The following COPG2 variants were observed in gnomAD, a reference collection of about 807,000 sequenced individuals.
The protein encoded by COPG2 is coat protein complex I subunit gamma 2.
COPG2 carries 37 observed loss-of-function variants against 46.3 expected under a neutral mutation model. The ratio of observed to expected loss-of-function variants is 0.80; its 90% confidence interval spans 0.61 to 1.05. The LOEUF (loss-of-function observed/expected upper bound fraction) is 1.05. Among genes scored for constraint, COPG2 ranks in the 50% least tolerant of loss-of-function variants. COPG2 has a pLI of 0.00. For synonymous variants in COPG2, 159 were observed against 129.7 expected (o/e 1.23, Z -1.53); for missense variants, 427 against 387.8 (o/e 1.10, Z -0.85).
chr7:130,591,727 TG>T (rs1242400810), intron 9 of COPG2, among the ~76,000 whole-genome samples: 3 of 140,550 alleles, frequency 2.1e-5, no homozygotes, highest in African/African-American at 5.4e-5. Flanking sequence ...GGGAAGGAGG[TG>T]GGGGGGTCAG....
At chr7:130,617,580 C>G (rs1794970630) in intron 5 of COPG2, among the ~76,000 whole-genome samples, 1 of 152,210 alleles carries the variant, frequency 6.6e-6, no homozygotes. Context: ...CAAAAACAGG[C>G]AGAGGTGTGA....
intron 9 of COPG2, among the ~76,000 whole-genome samples, chr7:130,578,046 A>G (rs1217714243): frequency 6.6e-6 from 1 of 152,220 alleles, no homozygotes; most frequent in Non-Finnish European, 1.5e-5. Context: ...CTGGGGGCAG[A>G]GCACAGACGA....
chr7:130,572,165 C>T (rs1554445645), intron 9 of COPG2, among the ~76,000 whole-genome samples: 1 of 152,048 alleles, frequency 6.6e-6, no homozygotes, highest in Non-Finnish European at 1.5e-5. Context: ...GTGATGGGTA[C>T]ACCAAAATCT....
chr7:130,630,393 T>A (rs1299197621), intron 5 of COPG2, among the ~76,000 whole-genome samples: 1 of 152,350 alleles, frequency 6.6e-6, no homozygotes, highest in African/African-American at 2.4e-5. Flanking sequence ...TTTTTGCATA[T>A]TGATCTTGTA....
At chr7:130,652,557 C>T (rs1260360365) in intron 5 of COPG2, among the ~76,000 whole-genome samples, 7 of 152,102 alleles carry the variant, frequency 4.6e-5, no homozygotes, top group African/African-American at 1.4e-4. Flanking sequence ...ATTACAGATG[C>T]TAGCCTTTGA....
intron 5 of COPG2, among the ~76,000 whole-genome samples, chr7:130,624,936 G>C (rs1219651292): frequency 6.6e-6 from 1 of 152,138 alleles, no homozygotes; most frequent in Non-Finnish European, 1.5e-5. Flanking sequence ...CCCAGTAGTG[G>C]GATTGCTGGG....
At position 130,506,472 on chromosome 7, in the gene COPG2, A is replaced by C. The variant is rs2116318714; in HGVS notation, c.*204T>G. On this transcript the variant is annotated 3_prime_UTR_variant, in exon 24 of 24. Coordinates refer to ENST00000425248, the MANE Select transcript of COPG2 (RefSeq NM_012133.6). ...TGCACTATCGTCCCAAAGCTGACCAAGTAGAATAAAAAGAAAAAAAAAAAA... is the reference window on the plus strand; with the variant it reads ...TGCACTATCGTCCCAAAGCTGACCACGTAGAATAAAAAGAAAAAAAAAAAA... 1 of 373,070 alleles carries C rather than the reference A, an allele frequency of 2.7e-6. No homozygotes were observed. Among genetic ancestry groups the C allele is most frequent in the East Asian group, 4.6e-5 (1 of 21,676 alleles). 23.1% of individuals were successfully genotyped at this position (373,070 alleles called of 1,614,324 possible). A position where few individuals can be genotyped will look rare whatever the true frequency, so the allele number is the denominator to read the frequency against.
intron 4 of COPG2, among the ~76,000 whole-genome samples, chr7:130,658,026 G>A (rs1441604838): frequency 6.6e-6 from 1 of 152,064 alleles, no homozygotes; most frequent in Non-Finnish European, 1.5e-5. Context: ...ATATGGCCCA[G>A]CAATCCCACT....
intron 9 of COPG2, among the ~76,000 whole-genome samples, chr7:130,602,519 T>C (rs1232980356): frequency 2.0e-5 from 3 of 152,058 alleles, no homozygotes; most frequent in Non-Finnish European, 2.9e-5. Flanking sequence ...GTTGCCCAGG[T>C]TGGAGTATAG....
intron 9 of COPG2, among the ~76,000 whole-genome samples, chr7:130,569,964 A>C (rs1166947912): frequency 6.6e-6 from 1 of 152,222 alleles, no homozygotes; most frequent in African/African-American, 2.4e-5. Context: ...TCACTTCATC[A>C]TTTCAATGGA....
chr7:130,586,471 AT>A (rs1359876495), intron 9 of COPG2, among the ~76,000 whole-genome samples: 15 of 151,612 alleles, frequency 9.9e-5, no homozygotes, highest in South Asian at 6.3e-4. Flanking sequence ...GGAAAAAAAA[AT>A]TTTTTTTTGA....
At chr7:130,546,561 G>T (rs888087109) in intron 20 of COPG2, among the ~76,000 whole-genome samples, 26 of 152,272 alleles carry the variant, frequency 1.7e-4, no homozygotes, top group South Asian at 1.7e-3. Flanking sequence ...AATAGAAGTA[G>T]AGTTCCACCC....
At chr7:130,578,122 T>C (rs1263821142) in intron 9 of COPG2, among the ~76,000 whole-genome samples, 2 of 151,686 alleles carry the variant, frequency 1.3e-5, no homozygotes, top group African/African-American at 4.8e-5. Context: ...AAGAGAGCAG[T>C]GGTTCTCCCA....
chr7:130,511,412 G>A lies in COPG2; in HGVS notation c.2150-2753C>T, dbSNP rs369821296. The A allele has an allele frequency of 9.6e-6, 5 of 519,992 alleles. No individual in the cohort carries two copies. In the African/African-American group the frequency reaches 9.6e-5, roughly 10 times the overall value. The allele number at this position is 519,992 out of a possible 1,614,324, so 32.2% of individuals were successfully genotyped here. A position where few individuals can be genotyped will look rare whatever the true frequency, so the allele number is the denominator to read the frequency against. On this transcript the variant is annotated intron_variant, in intron 20 of 23. Coordinates refer to ENST00000425248, the MANE Select transcript of COPG2 (RefSeq NM_012133.6). ...CATAGTGTGTAGGACATCGAGGAAA[G>A]CTGGGCAGTGAGTGCCAAAATAAGC...
intron 20 of COPG2, chr7:130,511,654 G>C: frequency 1.9e-6 from 1 of 515,628 alleles, no homozygotes; most frequent in South Asian, 1.4e-5. Flanking sequence ...AGTCATAAGA[G>C]AGTATGAAAT....
chr7:130,558,544 C>T (rs1371741869), intron 12 of COPG2, among the ~76,000 whole-genome samples: 2 of 152,294 alleles, frequency 1.3e-5, no homozygotes, highest in Middle Eastern at 3.4e-3. Flanking sequence ...CATACTAATA[C>T]AGAAGATCTT....
In COPG2 at chr7:130,610,643, A is replaced by G. The variant is rs373710718; in HGVS notation, c.737+310T>C. 2.4e-4 allele frequency: 131 copies of G among 555,600 alleles called. 1 individual carries two copies. Among genetic ancestry groups the G allele is most frequent in the Non-Finnish European group, 4.8e-5 (14 of 289,510 alleles). The allele number at this position is 555,600 out of a possible 1,614,324, so 34.4% of individuals were successfully genotyped here. A position where few individuals can be genotyped will look rare whatever the true frequency, so the allele number is the denominator to read the frequency against. On this transcript the variant is annotated intron_variant, in intron 9 of 23. Coordinates refer to ENST00000425248, the MANE Select transcript of COPG2 (RefSeq NM_012133.6). ...TCTCTTTTATAAAAATAAAAGGGAT[A>G]GGATAATTCTTAATGTCCCTGCCAA... is the stretch of plus-strand genomic sequence containing the variant.
rs1376490402 is a variant in COPG2 at position 130,557,836 on chromosome 7, AAAT to A, written c.1129-2707_1129-2705del. ...CCATCTCAAAAAAAAAAAAAAAAAA[AAAT>A]CATGCAAGAATAGCCAGGAAAACAA... On this transcript the variant is annotated intron_variant, in intron 12 of 23. Transcript: ENST00000425248. Among the ~76,000 whole-genome samples the A allele has an allele frequency of 1.4e-4, 21 of 148,328 alleles. 2 individuals are homozygous for A. The highest frequency in any genetic ancestry group is 2.8e-4 in the Non-Finnish European group (19 of 67,054).
intron 5 of COPG2, among the ~76,000 whole-genome samples, chr7:130,642,765 G>C (rs1027676062): frequency 6.6e-6 from 1 of 152,226 alleles, no homozygotes; most frequent in Non-Finnish European, 1.5e-5. Context: ...GCTCACGCCT[G>C]TAAGCCCAGC....
Sources: allele counts gnomAD v4.1 joint callset (sites outside exome capture counted in the v4.1 genomes callset), GRCh38; gene constraint gnomAD v4.1.1; transcripts MANE v1.5; gene names NCBI Gene and HGNC (gene_info 2026-07-23, HGNC 2026-07-21).